Variants in DNAJB1 observed in about 807,000 individuals in gnomAD.
The protein encoded by DNAJB1 is DnaJ heat shock protein family (Hsp40) member B1.
In DNAJB1, 14 loss-of-function variants were observed where a neutral mutation model predicts 24.0. The ratio of observed to expected loss-of-function variants is 0.58; its 90% CI spans 0.39 to 0.91. The LOEUF (loss-of-function observed/expected upper bound fraction) is 0.91, where lower values mean the gene tolerates loss of function less well. Among genes scored for constraint, DNAJB1 ranks in the 40% least tolerant of loss-of-function variants. The pLI, the probability that DNAJB1 is intolerant of heterozygous loss-of-function variation, is 0.00. For synonymous variants in DNAJB1, 262 were observed against 174.4 expected (o/e 1.50, Z -3.96); for missense variants, 517 against 458.1 (o/e 1.13, Z -1.17).
chr19:14,557,259 A>G (rs762226373), intron 1 of DNAJB1, among the ~76,000 whole-genome samples: 28 of 146,914 alleles, frequency 1.9e-4, no homozygotes, highest in African/African-American at 2.5e-4. Flanking sequence ...TCCTGACTCA[A>G]CCTCCTGAGT....
upstream of DNAJB1, among the ~76,000 whole-genome samples, chr19:14,551,297 A>G (rs1203798381): frequency 6.6e-6 from 1 of 150,856 alleles, no homozygotes; most frequent in African/African-American, 2.4e-5. Flanking sequence ...CTACTCTCGA[A>G]CTCCTGACCT....
upstream of DNAJB1, among the ~76,000 whole-genome samples, chr19:14,550,997 C>T (rs1052581030): frequency 6.6e-6 from 1 of 151,712 alleles, no homozygotes; most frequent in Non-Finnish European, 1.5e-5. Context: ...GAGGACACTC[C>T]TTTCTCTTAT....
chr19:14,558,080 C>G (rs2073793996), intron 1 of DNAJB1, among the ~76,000 whole-genome samples: 1 of 152,164 alleles, frequency 6.6e-6, no homozygotes, highest in South Asian at 2.1e-4. Flanking sequence ...TAAGATTTAT[C>G]CTAAACTGGG....
chr19:14,517,488 T>C (rs529204343), intron 1 of DNAJB1: 1 of 158,374 alleles, frequency 6.3e-6, no homozygotes, highest in African/African-American at 2.4e-5. Flanking sequence ...CACATTAGCA[T>C]TCACTGCCAC....
At chr19:14,558,810 C>T (rs1418176460) in intron 1 of DNAJB1, among the ~76,000 whole-genome samples, 2 of 152,152 alleles carry the variant, frequency 1.3e-5, no homozygotes, top group Non-Finnish European at 2.9e-5. Context: ...AAGGTCCTGT[C>T]TGTCCTCCCT....
At chr19:14,520,953 A>G (rs569959309), upstream of DNAJB1, among the ~76,000 whole-genome samples, 4 of 152,314 alleles carry the variant, frequency 2.6e-5, no homozygotes, top group South Asian at 6.2e-4. Context: ...TGATTGTGCC[A>G]CTGCTCTCCA....
intron 1 of DNAJB1, 108 bp from the exon 2 acceptor site, chr19:14,517,154 T>C: frequency 8.4e-7 from 1 of 1,194,890 alleles, no homozygotes; most frequent in Non-Finnish European, 1.2e-6. Context: ...AACTTTTTTG[T>C]CTGTCAGGGG....
chr19:14,551,989 T>G (rs2073539043), upstream of DNAJB1, among the ~76,000 whole-genome samples: 1 of 145,250 alleles, frequency 6.9e-6, no homozygotes, highest in Non-Finnish European at 1.5e-5. Flanking sequence ...CTTTTTTTTT[T>G]TTTGAGATGG....
chr19:14,560,103 C>T (rs775239852), exon 1 of DNAJB1, among the ~76,000 whole-genome samples: 2 of 152,300 alleles, frequency 1.3e-5, no homozygotes, highest in South Asian at 4.1e-4. Flanking sequence ...CAGCTGTGAG[C>T]GTGGCCCCTC....
upstream of DNAJB1, chr19:14,530,629 C>A (rs575571524): frequency 6.6e-6 from 1 of 151,998 alleles, no homozygotes; most frequent in African/African-American, 2.4e-5. Flanking sequence ...GTTCAAAGGC[C>A]CCTAGTTAGT....
chr19:14,517,202 C>A (rs1465085763), intron 1 of DNAJB1, 156 bp from the exon 2 acceptor site: 8 of 685,862 alleles, frequency 1.2e-5, no homozygotes, highest in African/African-American at 1.8e-5. Flanking sequence ...CCTCTCACTG[C>A]CAACAGCAGA....
In DNAJB1 at chr19:14,516,118, G is replaced by A. The variant is rs2072255114; in HGVS notation, c.845C>T (p.Pro282Leu). The A allele has an allele frequency of 1.2e-6, 2 of 1,613,450 alleles. No homozygotes were observed. The highest frequency in any genetic ancestry group is 8.5e-7 in the Non-Finnish European group (1 of 1,179,890). Residue 282 changes from proline (P) to leucine (L), a missense_variant, in exon 3 of 3, where the codon CCC becomes CTC. Physicochemically the swap from Pro to Leu is moderately conservative, Grantham distance 98. Transcript: ENST00000254322. Reference protein sequence around the residue: ...NVPTLDGRTIPVVFKDVIRPG... With the variant: ...NVPTLDGRTILVVFKDVIRPG... Reference sequence around the variant, plus strand: ...CCTGATAACATCTTTGAATACGACGGGTATCGTCCTGCCGTCCAGAGTGGG... The same window carrying A: ...CCTGATAACATCTTTGAATACGACGAGTATCGTCCTGCCGTCCAGAGTGGG...
upstream of DNAJB1, chr19:14,532,402 C>T (rs1229545172): frequency 3.3e-5 from 5 of 150,734 alleles, no homozygotes; most frequent in African/African-American, 4.9e-5. Flanking sequence ...AAAAGTGAGC[C>T]GAGTGTTGTG....
intron 1 of DNAJB1, among the ~76,000 whole-genome samples, chr19:14,544,161 G>C (rs2073222544): frequency 6.6e-6 from 1 of 151,918 alleles, no homozygotes; most frequent in African/African-American, 2.4e-5. Context: ...GTGTGGTCTT[G>C]GTCTGAATGT....
chr19:14,529,582 A>G (rs777167994), upstream of DNAJB1: 259 of 1,530,426 alleles, frequency 1.7e-4, 2 homozygotes, highest in East Asian at 3.0e-3. Context: ...GGCGGGGCGG[A>G]CGCAGAGCCG....
At chr19:14,543,144 A>G (rs2073158068) in intron 1 of DNAJB1, among the ~76,000 whole-genome samples, 1 of 151,266 alleles carries the variant, frequency 6.6e-6, no homozygotes, top group Admixed American at 6.6e-5. Flanking sequence ...AACAGGCTGA[A>G]GTCACGGAGC....
At chr19:14,549,352 A>G (rs1334084726) in intron 1 of DNAJB1, among the ~76,000 whole-genome samples, 1 of 151,666 alleles carries the variant, frequency 6.6e-6, no homozygotes, top group Admixed American at 6.6e-5. Context: ...AGCTGGGACT[A>G]CAGGCATGCG....
chr19:14,556,434 C>CAAAAAAAAA (rs1491415468), intron 1 of DNAJB1, among the ~76,000 whole-genome samples: 53,755 of 128,366 alleles, frequency 0.42, 10,154 homozygotes, highest in Non-Finnish European at 0.46. Context: ...ACAAAAAAAA[C>CAAAAAAAAA]CACATTGTGA....
intron 2 of DNAJB1, 96 bp downstream of exon 2, chr19:14,516,370 G>T: frequency 7.2e-7 from 1 of 1,391,582 alleles, no homozygotes; most frequent in Non-Finnish European, 9.8e-7. Flanking sequence ...AGCCTGGCAC[G>T]CACCACACAC....
Sources: allele counts gnomAD v4.1 joint callset (sites outside exome capture counted in the v4.1 genomes callset), GRCh38; gene constraint gnomAD v4.1.1; transcripts MANE v1.5; gene names NCBI Gene and HGNC (gene_info 2026-07-23, HGNC 2026-07-21).